The following HRH1 variants were observed in gnomAD, a reference collection of about 807,000 sequenced individuals.
The protein encoded by HRH1 is histamine receptor H1, also known as histamine H1 receptor.
A neutral mutation model predicts 10.3 loss-of-function variants in HRH1; 6 were observed. The ratio of observed to expected loss-of-function variants is 0.58; its 90% confidence interval spans 0.32 to 1.15. HRH1 has a LOEUF of 1.15. HRH1 is among the 50% of genes most tolerant of loss of function. The probability of loss-of-function intolerance (pLI) is 0.05; values close to 1 mark genes in which losing one functional copy is unlikely to be tolerated. For synonymous variants in HRH1, 242 were observed against 236.7 expected (o/e 1.02, Z -0.21); for missense variants, 514 against 615.3 (o/e 0.84, Z 1.74).
intron 1 of HRH1, among the ~76,000 whole-genome samples, chr3:11,189,366 G>A (rs1329466578): frequency 1.3e-5 from 2 of 152,082 alleles, no homozygotes; most frequent in African/African-American, 4.8e-5. Context: ...TGTAAAATTG[G>A]GAAGATAATA....
At chr3:11,183,570 A>G (rs1044857242) in intron 1 of HRH1, among the ~76,000 whole-genome samples, 3 of 152,216 alleles carry the variant, frequency 2.0e-5, no homozygotes, top group Non-Finnish European at 4.4e-5. Context: ...ACACAGCTAC[A>G]GAACTGGTCC....
intron 1 of HRH1, among the ~76,000 whole-genome samples, chr3:11,170,313 A>G (rs58712571): frequency 0.11 from 16,030 of 152,330 alleles, 1,752 homozygotes; most frequent in African/African-American, 0.28. Context: ...TGCTTTGTTT[A>G]TAAAATTAAG....
At chr3:11,153,128 A>T (rs1936683739), upstream of HRH1, among the ~76,000 whole-genome samples, 2 of 152,170 alleles carry the variant, frequency 1.3e-5, no homozygotes, top group Non-Finnish European at 2.9e-5. Context: ...CCTTGGGGCC[A>T]GGCTGAGTAG....
At chr3:11,177,181 G>A (rs1396733514) in intron 1 of HRH1, among the ~76,000 whole-genome samples, 1 of 151,942 alleles carries the variant, frequency 6.6e-6, no homozygotes, top group East Asian at 1.9e-4. Context: ...AAGGTGGGAG[G>A]ATTGCTTGAG....
intron 1 of HRH1, among the ~76,000 whole-genome samples, chr3:11,253,826 C>T (rs1453951186): frequency 1.3e-5 from 2 of 152,162 alleles, no homozygotes; most frequent in Non-Finnish European, 2.9e-5. Flanking sequence ...CTAAGATAGA[C>T]ATTAACTCGT....
intron 1 of HRH1, among the ~76,000 whole-genome samples, chr3:11,192,667 G>A (rs1937567010): frequency 6.6e-6 from 1 of 152,126 alleles, no homozygotes; most frequent in Admixed American, 6.5e-5. Context: ...GATCACTTGA[G>A]CCCAGGTGTT....
intron 1 of HRH1, among the ~76,000 whole-genome samples, chr3:11,178,198 A>G (rs185223992): frequency 0.023 from 3,553 of 152,256 alleles, 54 homozygotes; most frequent in Middle Eastern, 0.044. Flanking sequence ...CCCAGGTTCA[A>G]GTCCCTCGCC....
chr3:11,192,296 A>G (rs1399305426), intron 1 of HRH1, among the ~76,000 whole-genome samples: 1 of 152,042 alleles, frequency 6.6e-6, no homozygotes, highest in African/African-American at 2.4e-5. Context: ...GGCAGCCACT[A>G]TCCTGATTTT....
intron 1 of HRH1, among the ~76,000 whole-genome samples, chr3:11,146,273 T>C (rs1053811969): frequency 6.6e-6 from 1 of 152,168 alleles, no homozygotes; most frequent in African/African-American, 2.4e-5. Flanking sequence ...AAGGAGGTCA[T>C]TGGGGTTAAT....
At chr3:11,184,745 G>A (rs1357625314) in intron 1 of HRH1, among the ~76,000 whole-genome samples, 3 of 151,834 alleles carry the variant, frequency 2.0e-5, no homozygotes, top group African/African-American at 2.4e-5. Context: ...GTGAAACCCC[G>A]TCTCTACTAA....
intron 1 of HRH1, among the ~76,000 whole-genome samples, chr3:11,159,455 T>C (rs923120758): frequency 2.6e-5 from 4 of 152,224 alleles, no homozygotes; most frequent in African/African-American, 9.6e-5. Flanking sequence ...TAACAGATGC[T>C]TGTTCTGCAT....
chr3:11,170,066 G>A (rs1000432030), intron 1 of HRH1, among the ~76,000 whole-genome samples: 1 of 152,126 alleles, frequency 6.6e-6, no homozygotes, highest in African/African-American at 2.4e-5. Flanking sequence ...ACGGTGCCTT[G>A]GAGCCACCCA....
Position 11,168,021 on chromosome 3 carries a change from A to AT in HRH1, c.-36+13467_-36+13468insT, listed in dbSNP as rs1238642841. Among the ~76,000 whole-genome samples the AT allele has an allele frequency of 3.3e-5, 5 of 152,274 alleles. No homozygotes were observed. In the East Asian group the frequency reaches 7.7e-4, roughly 24 times the overall value. ...GGAACCAAGGTGTAAGGTGAAATGC[A>AT]GTGGTGAAGATGAGTGAAGAGCATG... On this transcript the variant is annotated intron_variant, in intron 1 of 1. Coordinates refer to ENST00000431010, the MANE Select transcript of HRH1 (RefSeq NM_001098212.2).
chr3:11,243,265 T>C (rs2152581764), intron 1 of HRH1, among the ~76,000 whole-genome samples: 1 of 152,242 alleles, frequency 6.6e-6, no homozygotes, highest in East Asian at 1.9e-4. Context: ...TGAGCACCTA[T>C]CATGTGCCAG....
intron 1 of HRH1, among the ~76,000 whole-genome samples, chr3:11,168,400 G>A (rs920175914): frequency 6.6e-6 from 1 of 152,298 alleles, no homozygotes; most frequent in African/African-American, 2.4e-5. Context: ...CAGAGGAAGC[G>A]GGGGACCCCA....
intron 1 of HRH1, among the ~76,000 whole-genome samples, chr3:11,206,010 T>C (rs965988846): frequency 2.0e-5 from 3 of 152,106 alleles, no homozygotes; most frequent in African/African-American, 7.2e-5. Flanking sequence ...GGGCTGGACC[T>C]TCCCCAGGCC....
intron 1 of HRH1, among the ~76,000 whole-genome samples, chr3:11,216,603 G>T (rs347598): frequency 6.6e-6 from 1 of 152,010 alleles, no homozygotes; most frequent in Non-Finnish European, 1.5e-5. Context: ...TGGAGACCAG[G>T]TGCAGTGGCT....
chr3:11,159,503 G>A (rs769901320), intron 1 of HRH1, among the ~76,000 whole-genome samples: 15 of 152,068 alleles, frequency 9.9e-5, no homozygotes, highest in Non-Finnish European at 1.6e-4. Context: ...TTTTCAACCC[G>A]TTAACATGAT....
chr3:11,262,078 G>A lies in HRH1; in HGVS notation c.*1577G>A, dbSNP rs200342054. 1 of 167,048 alleles carries A rather than the reference G, an allele frequency of 6.0e-6. No individual in the cohort carries two copies. The highest frequency in any genetic ancestry group is 1.5e-5 in the Non-Finnish European group (1 of 68,116). 10.3% of individuals were successfully genotyped at this position (167,048 alleles called of 1,614,324 possible). A position where few individuals can be genotyped will look rare whatever the true frequency, so the allele number is the denominator to read the frequency against. ...AATCTTTCATAGCCATACCTGGTAAGCAAAAACTAGTAAAGACATAGGAAC... is the reference window on the plus strand; with the variant it reads ...AATCTTTCATAGCCATACCTGGTAAACAAAAACTAGTAAAGACATAGGAAC... On this transcript the variant is annotated 3_prime_UTR_variant, in exon 2 of 2. Transcript: ENST00000431010.
Sources: allele counts gnomAD v4.1 joint callset (sites outside exome capture counted in the v4.1 genomes callset), GRCh38; gene constraint gnomAD v4.1.1; transcripts MANE v1.5; gene names NCBI Gene and HGNC (gene_info 2026-07-23, HGNC 2026-07-21).